The following MFSD6 variants were observed in gnomAD, a reference collection of about 807,000 sequenced individuals.
MFSD6 encodes the protein major facilitator superfamily domain containing 6.
In MFSD6, 26 loss-of-function variants were observed where a neutral mutation model predicts 56.3. That is an observed-to-expected ratio of 0.46 (90% confidence interval 0.34 to 0.64). The LOEUF is 0.64. MFSD6 is among the 30% of genes least tolerant of loss of function. The pLI, the probability that MFSD6 is intolerant of heterozygous loss-of-function variation, is 0.01. For missense variants in MFSD6, 750 were observed against 986.2 expected (o/e 0.76, Z 3.21); for synonymous variants, 331 against 366.9 (o/e 0.90, Z 1.12).
rs914375000 is a variant in MFSD6 at position 190,472,000 on chromosome 2, C to A, written c.1630+2145C>A. 3.3e-5 allele frequency among the ~76,000 whole-genome samples: 5 copies of A among 152,180 alleles called. No individual in the cohort carries two copies. Among genetic ancestry groups the A allele is most frequent in the Admixed American group, 1.3e-4 (2 of 15,290 alleles). On this transcript the variant is annotated intron_variant, in intron 4 of 7. Coordinates refer to ENST00000392328, the MANE Select transcript of MFSD6 (RefSeq NM_017694.4). The surrounding 1 kb of genome is among the most constrained non-coding windows in gnomAD (Gnocchi z 4.7). ...AACAGGGTCTGGAGTGGACCTCCAGCAAACTCCAACAGACCTGCAGCTGAG... is the reference window on the plus strand; with the variant it reads ...AACAGGGTCTGGAGTGGACCTCCAGAAAACTCCAACAGACCTGCAGCTGAG...
chr2:190,468,188 A>G (rs1329032388), intron 3 of MFSD6, among the ~76,000 whole-genome samples: 1 of 152,192 alleles, frequency 6.6e-6, no homozygotes, highest in Non-Finnish European at 1.5e-5. Context: ...ATTGAAACGT[A>G]CTTTTCTCCT....
intron 4 of MFSD6, among the ~76,000 whole-genome samples, chr2:190,473,311 A>G (rs1688065484): frequency 6.6e-6 from 1 of 152,156 alleles, no homozygotes; most frequent in Non-Finnish European, 1.5e-5. Context: ...AAAGAGTCAA[A>G]ACCCATCAGT....
At chr2:190,453,623 T>C (rs1378215243) in intron 3 of MFSD6, among the ~76,000 whole-genome samples, 1 of 152,216 alleles carries the variant, frequency 6.6e-6, no homozygotes. Flanking sequence ...AAAAATTACA[T>C]CCTAATGTCA....
rs1199922758 is a variant in MFSD6, at chr2:190,467,706, C to T, written c.1533-2052C>T. On this transcript the variant is annotated intron_variant, in intron 3 of 7. Coordinates refer to ENST00000392328, the MANE Select transcript of MFSD6 (RefSeq NM_017694.4). The surrounding 1 kb of genome is among the most constrained non-coding windows in gnomAD (Gnocchi z 5.5). ...GCCTGCTGCCTGTTTTTATATGGCC[C>T]GTGAACTAAGAATAATAGTTTCTAC... Among the ~76,000 whole-genome samples, 2 of 151,904 alleles carry T rather than the reference C, an allele frequency of 1.3e-5. No homozygotes were observed. The highest frequency in any genetic ancestry group is 1.9e-4 in the East Asian group (1 of 5,198).
At chr2:190,409,742 C>A (rs1690478652) in intron 1 of MFSD6, among the ~76,000 whole-genome samples, 2 of 152,192 alleles carry the variant, frequency 1.3e-5, no homozygotes, top group South Asian at 2.1e-4. Flanking sequence ...GTGTATGCAT[C>A]TGTTTTAGCC....
rs768777027 is a variant in MFSD6 at position 190,477,185 on chromosome 2, C to T, written c.1630+7330C>T. ...AAACCTGCACGTTGTGCACATGTAC[C>T]CTAAAACTTAAAGTATAATAATAAT... On this transcript the variant is annotated intron_variant, in intron 4 of 7. Coordinates refer to ENST00000392328, the MANE Select transcript of MFSD6 (RefSeq NM_017694.4). 5.6e-6 allele frequency: 5 copies of T among 897,582 alleles called. No individual in the cohort carries two copies. In the South Asian group the frequency reaches 1.5e-4, roughly 28 times the overall value. 55.6% of individuals were successfully genotyped at this position (897,582 alleles called of 1,614,324 possible).
chr2:190,475,844 G>A (rs1172814357), intron 4 of MFSD6, among the ~76,000 whole-genome samples: 1 of 152,088 alleles, frequency 6.6e-6, no homozygotes, highest in Non-Finnish European at 1.5e-5. Flanking sequence ...AAACAGCATG[G>A]TACTGGTACC....
Position 190,497,306 on chromosome 2 carries a change from C to G in MFSD6, c.1892-133C>G. 1.0e-6 allele frequency: 1 copy of G among 977,048 alleles called. No homozygotes were observed. The highest frequency in any genetic ancestry group is 1.5e-6 in the Non-Finnish European group (1 of 674,494). 60.5% of individuals were successfully genotyped at this position (977,048 alleles called of 1,614,324 possible). A position where few individuals can be genotyped will look rare whatever the true frequency, so the allele number is the denominator to read the frequency against. ...CACCAAGTAATGAAGTCATTGGTAA[C>G]CAGCAATTTATTAATATTATCAAGC... On this transcript the variant is annotated intron_variant, in intron 6 of 7. Transcript: ENST00000392328. This position sits in a 1 kb window ranked among gnomAD's most constrained non-coding sequence, Gnocchi z 5.2.
chr2:190,474,494 C>A (rs191035703), intron 4 of MFSD6, among the ~76,000 whole-genome samples: 2 of 152,178 alleles, frequency 1.3e-5, no homozygotes, highest in Non-Finnish European at 2.9e-5. Flanking sequence ...TTGACACAAA[C>A]AACCTCCCAA....
chr2:190,460,326 T>C (rs13412663), intron 3 of MFSD6, among the ~76,000 whole-genome samples: 21,481 of 152,258 alleles, frequency 0.14, 1,718 homozygotes, highest in Middle Eastern at 0.21. Flanking sequence ...TCTAGGCCTC[T>C]TTTTTAAGTC....
In MFSD6 at chr2:190,438,978, C is replaced by G. The variant is rs1011577956; in HGVS notation, c.1532+1417C>G. On this transcript the variant is annotated intron_variant, in intron 3 of 7. Transcript: ENST00000392328. The surrounding 1 kb of genome is among the most constrained non-coding windows in gnomAD (Gnocchi z 5.2). ...TCTTCGATCCCTTTGTTGTCACCAC[C>G]AAAGTCAGGGACTGTGTGGATATTT... Among the ~76,000 whole-genome samples, 5 of 152,160 alleles carry G rather than the reference C, an allele frequency of 3.3e-5. No homozygotes were observed. Among genetic ancestry groups the G allele is most frequent in the Admixed American group, 6.5e-5 (1 of 15,290 alleles).
Position 190,471,398 on chromosome 2 carries a change from T to C in MFSD6, c.1630+1543T>C, listed in dbSNP as rs1687917017. The stretch of plus-strand genomic sequence containing the variant: ...AATTGGGTCACTCCCACCCTAATAC[T>C]GTGCTTTTCCAACAGTCTTAGCAAA... On this transcript the variant is annotated intron_variant, in intron 4 of 7. Transcript: ENST00000392328. The surrounding 1 kb of genome is among the most constrained non-coding windows in gnomAD (Gnocchi z 4.7). Among the ~76,000 whole-genome samples the C allele has an allele frequency of 6.6e-6, 1 of 152,188 alleles. No individual in the cohort carries two copies. Among genetic ancestry groups the C allele is most frequent in the Non-Finnish European group, 1.5e-5 (1 of 68,032 alleles).
Position 190,423,069 on chromosome 2 carries a change from T to C in MFSD6, c.-54+7656T>C, listed in dbSNP as rs1346677169. Among the ~76,000 whole-genome samples the C allele has an allele frequency of 6.6e-6, 1 of 152,076 alleles. No homozygotes were observed. The highest frequency in any genetic ancestry group is 6.5e-5 in the Admixed American group (1 of 15,280). On this transcript the variant is annotated intron_variant, in intron 2 of 7. Coordinates refer to ENST00000392328, the MANE Select transcript of MFSD6 (RefSeq NM_017694.4). This position sits in a 1 kb window ranked among gnomAD's most constrained non-coding sequence, Gnocchi z 4.3. ...CCCTATCCTAACTTCTTTTAAACTT[T>C]ATTTTGAGATCATTGTGGATTCACA...
At position 190,436,106 on chromosome 2, in the gene MFSD6, T is replaced by C; in HGVS notation, c.77T>C (p.Phe26Ser). Residue 26 changes from phenylalanine to serine, a missense_variant, in exon 3 of 8, where the codon TTT becomes TCT. This residue lies in a region of MFSD6 where 76 missense variants were observed against 101.9 expected (regional missense o/e 0.75). Coordinates refer to ENST00000392328, the MANE Select transcript of MFSD6 (RefSeq NM_017694.4). This position sits in a 1 kb window ranked among gnomAD's most constrained non-coding sequence, Gnocchi z 5.3. ...QKRKYVLADP[F>S]NGISREPEPP... ...AGAAAGTATGTGCTTGCAGATCCCT[T>C]TAATGGTATTTCCAGGGAACCAGAA... 4 of 1,614,230 alleles carry C rather than the reference T, an allele frequency of 2.5e-6. No homozygotes were observed. The highest frequency in any genetic ancestry group is 3.4e-6 in the Non-Finnish European group (4 of 1,180,038).
rs1687553101 is a variant in MFSD6, at chr2:190,465,442, T to C, written c.1533-4316T>C. Among the ~76,000 whole-genome samples, 1 of 152,132 alleles carries C rather than the reference T, an allele frequency of 6.6e-6. No individual in the cohort carries two copies. The highest frequency in any genetic ancestry group is 2.1e-4 in the South Asian group (1 of 4,818). ...TGGAGAGACTTTTTTTTTCAGTGTC[T>C]TGTATTTCCAGACATCAGTGCCCAT... On this transcript the variant is annotated intron_variant, in intron 3 of 7. Coordinates refer to ENST00000392328, the MANE Select transcript of MFSD6 (RefSeq NM_017694.4). This position sits in a 1 kb window ranked among gnomAD's most constrained non-coding sequence, Gnocchi z 4.6.
chr2:190,408,068 G>A (rs1317427351), upstream of MFSD6, among the ~76,000 whole-genome samples: 1 of 152,036 alleles, frequency 6.6e-6, no homozygotes, highest in Non-Finnish European at 1.5e-5. Flanking sequence ...TGTCCCTCCG[G>A]GCCGCCGGGG....
chr2:190,451,136 G>C lies in MFSD6; in HGVS notation c.1532+13575G>C, dbSNP rs1009903076. ...CTTTTTTCCTTCTTTTTGCCAATTT[G>C]CCTATAAAAAGTGTATGTGTGTGTA... is the stretch of plus-strand genomic sequence containing the variant. On this transcript the variant is annotated intron_variant, in intron 3 of 7. Transcript: ENST00000392328. The surrounding 1 kb of genome is among the most constrained non-coding windows in gnomAD (Gnocchi z 5.0). Among the ~76,000 whole-genome samples the C allele has an allele frequency of 6.6e-6, 1 of 152,116 alleles. No individual in the cohort carries two copies. The highest frequency in any genetic ancestry group is 1.5e-5 in the Non-Finnish European group (1 of 68,000).
intron 3 of MFSD6, among the ~76,000 whole-genome samples, chr2:190,468,232 T>G (rs149130356): frequency 2.0e-5 from 3 of 152,282 alleles, no homozygotes; most frequent in Non-Finnish European, 2.9e-5. Context: ...ATAATGTCCA[T>G]AGAACAAGAT....
At chr2:190,493,038 A>G (rs1689452078) in intron 6 of MFSD6, among the ~76,000 whole-genome samples, 3 of 152,164 alleles carry the variant, frequency 2.0e-5, no homozygotes, top group Admixed American at 6.5e-5. Flanking sequence ...TTTCAATACT[A>G]ACATTGAATG....
Sources: gnomAD v4.1 joint callset for allele counts (sites outside exome capture counted in the v4.1 genomes callset) on GRCh38, gnomAD v4.1.1 for gene constraint, gnomAD v4.1.1 regional missense constraint, Gnocchi (gnomAD v3.1) non-coding constraint, MANE v1.5 for transcripts, NCBI Gene and HGNC (gene_info 2026-07-23, HGNC 2026-07-21) for gene names.